Variants in FOXK1 observed in about 807,000 individuals in gnomAD.
The protein encoded by FOXK1 is forkhead box K1, also known as forkhead box protein K1.
A neutral mutation model predicts 51.9 loss-of-function variants in FOXK1; 19 were observed. That is an observed-to-expected ratio of 0.37 (90% CI 0.26 to 0.54). The LOEUF is 0.54. Ranked by LOEUF, FOXK1 falls within the 20% of genes least tolerant of loss-of-function variation. The pLI, the probability that FOXK1 is intolerant of heterozygous loss-of-function variation, is 0.87. For missense variants in FOXK1, 870 were observed against 1,032.7 expected, an observed-to-expected ratio of 0.84 and a Z score of 2.16; for synonymous variants, 537 against 482.6, an observed-to-expected ratio of 1.11 and a Z score of -1.48.
At chr7:4,710,780 C>G (rs1044550444) in intron 1 of FOXK1, among the ~76,000 whole-genome samples, 2 of 152,060 alleles carry the variant, frequency 1.3e-5, no homozygotes, top group Non-Finnish European at 2.9e-5. Flanking sequence ...TCTGCACGGG[C>G]CACGATACTG....
At chr7:4,738,977 C>T (rs893539806) in intron 1 of FOXK1, among the ~76,000 whole-genome samples, 1 of 152,066 alleles carries the variant, frequency 6.6e-6, no homozygotes. Context: ...GACCCCCTGC[C>T]GACAGCCAGG....
Position 4,753,995 on chromosome 7 carries a change from C to T in FOXK1, c.747-464C>T, listed in dbSNP as rs544842035. On this transcript the variant is annotated intron_variant, in intron 2 of 8. Coordinates refer to ENST00000328914, the MANE Select transcript of FOXK1 (RefSeq NM_001037165.2). This position sits in a 1 kb window ranked among gnomAD's most constrained non-coding sequence, Gnocchi z 4.9. ...TGCAGGGCGATGGCACCTCCACAGCCTCTTTCCAGGATCTGCCTCTGTGAC... is the reference window on the plus strand; with the variant it reads ...TGCAGGGCGATGGCACCTCCACAGCTTCTTTCCAGGATCTGCCTCTGTGAC... Among the ~76,000 whole-genome samples, 34 of 152,354 alleles carry T rather than the reference C, an allele frequency of 2.2e-4. No individual in the cohort carries two copies. Among genetic ancestry groups the T allele is most frequent in the Non-Finnish European group, 3.5e-4 (24 of 68,034 alleles).
intron 1 of FOXK1, among the ~76,000 whole-genome samples, chr7:4,689,016 A>C (rs1437378454): frequency 3.4e-5 from 5 of 146,670 alleles, no homozygotes; most frequent in African/African-American, 1.3e-4. Context: ...CACTCTTGTC[A>C]CCCAGGCTGG....
chr7:4,685,667 G>A (rs1408859294), intron 1 of FOXK1, among the ~76,000 whole-genome samples: 2 of 151,916 alleles, frequency 1.3e-5, no homozygotes, highest in South Asian at 2.1e-4. Context: ...CTTAAGCCTG[G>A]ACTACAGCCT....
rs1780150685 is a variant in FOXK1 at position 4,709,740 on chromosome 7, C to T, written c.560+26872C>T. Among the ~76,000 whole-genome samples the T allele has an allele frequency of 6.6e-6, 1 of 152,242 alleles. No homozygotes were observed. Among genetic ancestry groups the T allele is most frequent in the Non-Finnish European group, 1.5e-5 (1 of 68,042 alleles). ...TGGACCCTGGAGCAGTGAAGTTCCA[C>T]AGTGTCATGATAATTCTTGGCGTTG... On this transcript the variant is annotated intron_variant, in intron 1 of 8. Coordinates refer to ENST00000328914, the MANE Select transcript of FOXK1 (RefSeq NM_001037165.2). The surrounding 1 kb of genome is among the most constrained non-coding windows in gnomAD (Gnocchi z 5.6).
chr7:4,753,188 T>C lies in FOXK1; in HGVS notation c.747-1271T>C, dbSNP rs1780801143. ...GCCCCAGACCTGAACTGATCATTAATGTCAGCTGTCAGGTTTTTCTCAGCC... is the reference window on the plus strand; with the variant it reads ...GCCCCAGACCTGAACTGATCATTAACGTCAGCTGTCAGGTTTTTCTCAGCC... On this transcript the variant is annotated intron_variant, in intron 2 of 8. Transcript: ENST00000328914. This position sits in a 1 kb window ranked among gnomAD's most constrained non-coding sequence, Gnocchi z 4.9. Among the ~76,000 whole-genome samples the C allele has an allele frequency of 1.3e-5, 2 of 152,340 alleles. No individual in the cohort carries two copies. Among genetic ancestry groups the C allele is most frequent in the Non-Finnish European group, 2.9e-5 (2 of 68,042 alleles).
chr7:4,721,139 C>T (rs539100569), intron 1 of FOXK1, among the ~76,000 whole-genome samples: 1 of 152,362 alleles, frequency 6.6e-6, no homozygotes, highest in African/African-American at 2.4e-5. Flanking sequence ...GAGTCAGCAG[C>T]CTCCCTCTGT....
rs1713887070 is a variant in FOXK1 at position 4,729,205 on chromosome 7, C to G, written c.561-11633C>G. Among the ~76,000 whole-genome samples the G allele has an allele frequency of 6.6e-6, 1 of 152,184 alleles. No homozygotes were observed. The highest frequency in any genetic ancestry group is 2.4e-5 in the African/African-American group (1 of 41,436). ...AGCGGAGGTGATTTCGGAGCCTACTCTCCGATCCTCAGGATCCTCTTCGGG... is the reference window on the plus strand; with the variant it reads ...AGCGGAGGTGATTTCGGAGCCTACTGTCCGATCCTCAGGATCCTCTTCGGG... On this transcript the variant is annotated intron_variant, in intron 1 of 8. Transcript: ENST00000328914. The surrounding 1 kb of genome is among the most constrained non-coding windows in gnomAD (Gnocchi z 6.2).
rs150863511 is a variant in FOXK1, at chr7:4,731,315, G to A, written c.561-9523G>A. Among the ~76,000 whole-genome samples the A allele has an allele frequency of 2.0e-4, 30 of 152,348 alleles. No individual in the cohort carries two copies. The East Asian group carries it at 3.9e-3, about 20-fold the overall frequency. ...CAAACCACTTAACAGAACCAGGCGA[G>A]CCAGGTTTAGTACTTTATCGGGTAT... On this transcript the variant is annotated intron_variant, in intron 1 of 8. Coordinates refer to ENST00000328914, the MANE Select transcript of FOXK1 (RefSeq NM_001037165.2). The surrounding 1 kb of genome is among the most constrained non-coding windows in gnomAD (Gnocchi z 5.3).
At chr7:4,702,876 A>G (rs1447507643) in intron 1 of FOXK1, among the ~76,000 whole-genome samples, 1 of 151,878 alleles carries the variant, frequency 6.6e-6, no homozygotes, top group Non-Finnish European at 1.5e-5. Flanking sequence ...ACCAGAGGGG[A>G]TGGAAGCTTG....
At chr7:4,741,397 C>G (rs1193230292) in intron 2 of FOXK1, among the ~76,000 whole-genome samples, 1 of 152,006 alleles carries the variant, frequency 6.6e-6, no homozygotes, top group Non-Finnish European at 1.5e-5. Context: ...GGCGCGATCT[C>G]GGCTCACTGC....
rs1780438661 is a variant in FOXK1, at chr7:4,730,624, G to C, written c.561-10214G>C. Among the ~76,000 whole-genome samples, 1 of 152,186 alleles carries C rather than the reference G, an allele frequency of 6.6e-6. No homozygotes were observed. The highest frequency in any genetic ancestry group is 1.5e-5 in the Non-Finnish European group (1 of 68,040). On this transcript the variant is annotated intron_variant, in intron 1 of 8. Transcript: ENST00000328914. The surrounding 1 kb of genome is among the most constrained non-coding windows in gnomAD (Gnocchi z 4.7). ...TATTTTCCAAAGCCGCCACACTTGA[G>C]ACGTCCTTGCTGCGGGTTCGTCTGT...
Position 4,730,263 on chromosome 7 carries a change from A to G in FOXK1, c.561-10575A>G, listed in dbSNP as rs1266318077. ...TCACACACACCACGCACACCCCCAC[A>G]TTGTTGTCACTGCGAGAACGGAGGG... is the stretch of plus-strand genomic sequence containing the variant. On this transcript the variant is annotated intron_variant, in intron 1 of 8. Transcript: ENST00000328914. The surrounding 1 kb of genome is among the most constrained non-coding windows in gnomAD (Gnocchi z 4.7). Among the ~76,000 whole-genome samples, 2 of 152,128 alleles carry G rather than the reference A, an allele frequency of 1.3e-5. No homozygotes were observed. Among genetic ancestry groups the G allele is most frequent in the Admixed American group, 6.5e-5 (1 of 15,282 alleles).
chr7:4,739,643 G>C (rs1426868867), intron 1 of FOXK1, among the ~76,000 whole-genome samples: 1 of 152,174 alleles, frequency 6.6e-6, no homozygotes, highest in African/African-American at 2.4e-5. Flanking sequence ...TAGAAAAACC[G>C]AGGCTCACGG....
rs747808350 is a variant in FOXK1 at position 4,761,193 on chromosome 7, C to A, written c.1826C>A (p.Pro609His). Residue 609 changes from proline (P) to histidine (H), a missense_variant, in exon 8 of 9, where the codon CCC (proline) becomes CAC (histidine). Transcript: ENST00000328914. The surrounding 1 kb of genome is among the most constrained non-coding windows in gnomAD (Gnocchi z 6.2). ...GTCACCATCCTGCAGCCCGCCACAC[C>A]CGTGACCCTCGGGCAGCACCACCTT... ...HTVTILQPAT[P>H]VTLGQHHLPV... 8 of 1,612,942 alleles carry A rather than the reference C, an allele frequency of 5.0e-6. No homozygotes were observed. In the East Asian group the frequency reaches 1.8e-4, roughly 36 times the overall value.
chr7:4,724,476 G>A (rs923704296), intron 1 of FOXK1, among the ~76,000 whole-genome samples: 5 of 152,346 alleles, frequency 3.3e-5, no homozygotes, highest in South Asian at 2.1e-4. Context: ...GATTACAGGC[G>A]TGAGCCACTG....
In FOXK1 at chr7:4,758,790, T is replaced by C; in HGVS notation, c.1245-261T>C. On this transcript the variant is annotated intron_variant, in intron 5 of 8. Coordinates refer to ENST00000328914, the MANE Select transcript of FOXK1 (RefSeq NM_001037165.2). This position sits in a 1 kb window ranked among gnomAD's most constrained non-coding sequence, Gnocchi z 4.4. ...CCTCGGTGGAAGTGAACTCCGTAGGTTGTTGCGTTCACTGCAGCACCTCAC... is the reference window on the plus strand; with the variant it reads ...CCTCGGTGGAAGTGAACTCCGTAGGCTGTTGCGTTCACTGCAGCACCTCAC... 2.1e-6 allele frequency: 1 copy of C among 470,300 alleles called. No homozygotes were observed. Among genetic ancestry groups the C allele is most frequent in the Non-Finnish European group, 3.7e-6 (1 of 266,892 alleles). The allele number at this position is 470,300 out of a possible 1,614,324, so 29.1% of individuals were successfully genotyped here.
chr7:4,746,515 T>TA (rs955922276), intron 2 of FOXK1, among the ~76,000 whole-genome samples: 20 of 149,182 alleles, frequency 1.3e-4, no homozygotes, highest in East Asian at 7.8e-4. Flanking sequence ...CCCCCATCTC[T>TA]AAAAAAAAAA....
chr7:4,734,641 G>A lies in FOXK1; in HGVS notation c.561-6197G>A, dbSNP rs1198456651. Among the ~76,000 whole-genome samples, 1 of 152,240 alleles carries A rather than the reference G, an allele frequency of 6.6e-6. No homozygotes were observed. Among genetic ancestry groups the A allele is most frequent in the Non-Finnish European group, 1.5e-5 (1 of 68,046 alleles). On this transcript the variant is annotated intron_variant, in intron 1 of 8. Coordinates refer to ENST00000328914, the MANE Select transcript of FOXK1 (RefSeq NM_001037165.2). The surrounding 1 kb of genome is among the most constrained non-coding windows in gnomAD (Gnocchi z 5.2). The stretch of plus-strand genomic sequence containing the variant: ...TGGGGCTTCATGGGGGGCTCAGGAA[G>A]GCTGGGTCTCAGGCTTTTCTCCTGC...
Sources: gnomAD v4.1 joint callset for allele counts (sites outside exome capture counted in the v4.1 genomes callset) on GRCh38, gnomAD v4.1.1 for gene constraint, Gnocchi (gnomAD v3.1) non-coding constraint, MANE v1.5 for transcripts, NCBI Gene and HGNC (gene_info 2026-07-23, HGNC 2026-07-21) for gene names.